Variants in ATG16L1 observed in about 807,000 individuals in gnomAD.
ATG16L1 encodes the protein autophagy-related protein 16-1.
ATG16L1 carries 37 observed loss-of-function variants against 88.5 expected under a neutral mutation model. The observed-to-expected ratio is 0.42, with a 90% CI of 0.32 to 0.55. The LOEUF (loss-of-function observed/expected upper bound fraction) is 0.55. ATG16L1 is among the 20% of genes least tolerant of loss of function. The pLI is 0.13. For synonymous variants in ATG16L1, 301 were observed against 281.0 expected (o/e 1.07, Z -0.71); for missense variants, 554 against 752.8 (o/e 0.74, Z 3.09).
intron 2 of ATG16L1, among the ~76,000 whole-genome samples, chr2:233,261,741 G>C (rs1697232725): frequency 6.6e-6 from 1 of 152,138 alleles, no homozygotes; most frequent in Non-Finnish European, 1.5e-5. Context: ...GGTTTCAGCT[G>C]CTCACTATAG....
In ATG16L1 at chr2:233,263,976, C is replaced by G. The variant is rs761445837; in HGVS notation, c.316-16C>G. On this transcript the variant is annotated splice_polypyrimidine_tract_variant and intron_variant, in intron 3 of 17. Coordinates refer to ENST00000392017, the MANE Select transcript of ATG16L1 (RefSeq NM_030803.7). Reference sequence around the variant, plus strand: ...TAAAATTTTTATTTATGAAAGTATTCTTCTTTATCTCCCAGTTAGCTCAAC... The same window carrying G: ...TAAAATTTTTATTTATGAAAGTATTGTTCTTTATCTCCCAGTTAGCTCAAC... 2.5e-6 allele frequency: 4 copies of G among 1,612,488 alleles called. No homozygotes were observed. In the Admixed American group the frequency reaches 5.0e-5, roughly 20 times the overall value.
chr2:233,283,334 G>A (rs1010268206), intron 12 of ATG16L1, among the ~76,000 whole-genome samples: 2 of 151,948 alleles, frequency 1.3e-5, no homozygotes, highest in Admixed American at 6.6e-5. Context: ...GGCGAAGCAT[G>A]TAACTTAATT....
At chr2:233,288,901 G>A (rs1443915977) in intron 12 of ATG16L1, 1 of 519,076 alleles carries the variant, frequency 1.9e-6, no homozygotes, top group Non-Finnish European at 3.8e-6. Context: ...TGGGAGTGCT[G>A]GTATCTGTGG....
chr2:233,286,756 G>C (rs950452229), intron 12 of ATG16L1, among the ~76,000 whole-genome samples: 10 of 151,064 alleles, frequency 6.6e-5, no homozygotes. Context: ...CTCCCGAGTA[G>C]CTGGGACTAC....
intron 5 of ATG16L1, among the ~76,000 whole-genome samples, chr2:233,266,345 G>C (rs1262222876): frequency 3.3e-5 from 5 of 152,178 alleles, no homozygotes; most frequent in African/African-American, 1.2e-4. Context: ...TGTGGCCTCA[G>C]CTACTCAGGA....
intron 5 of ATG16L1, among the ~76,000 whole-genome samples, chr2:233,268,713 T>A (rs976186725): frequency 2.0e-5 from 3 of 152,216 alleles, no homozygotes; most frequent in African/African-American, 7.2e-5. Context: ...GCTAAGACAA[T>A]TTGGATAAAT....
intron 16 of ATG16L1, 69 bp downstream of exon 16, chr2:233,292,503 G>T (rs1699527996): frequency 3.1e-6 from 5 of 1,599,312 alleles, no homozygotes; most frequent in East Asian, 2.2e-5. Flanking sequence ...TTTTCCCACT[G>T]GGGATATAGA....
chr2:233,276,715 G>T (rs1415806930), intron 9 of ATG16L1, among the ~76,000 whole-genome samples: 1 of 152,170 alleles, frequency 6.6e-6, no homozygotes, highest in Admixed American at 6.5e-5. Context: ...GAGCTCATGC[G>T]ATCTGCCCAC....
chr2:233,263,925 C>T, intron 3 of ATG16L1, 67 bp from the exon 4 acceptor site: 1 of 1,477,276 alleles, frequency 6.8e-7, no homozygotes. Flanking sequence ...AATCGCCACC[C>T]ACTGTGTAGT....
At chr2:233,283,379 A>G (rs983849609) in intron 12 of ATG16L1, among the ~76,000 whole-genome samples, 2 of 152,006 alleles carry the variant, frequency 1.3e-5, no homozygotes, top group African/African-American at 4.8e-5. Context: ...GCCTGAAGGA[A>G]TCATCACATA....
chr2:233,257,161 C>T (rs1040787515), intron 2 of ATG16L1, among the ~76,000 whole-genome samples: 1 of 152,214 alleles, frequency 6.6e-6, no homozygotes, highest in African/African-American at 2.4e-5. Flanking sequence ...TCCCGAGTAG[C>T]TGGGACCACA....
chr2:233,276,354 TC>T (rs372536758), intron 9 of ATG16L1, among the ~76,000 whole-genome samples: 1 of 151,974 alleles, frequency 6.6e-6, no homozygotes, highest in African/African-American at 2.4e-5. Flanking sequence ...CAGTATCTCT[TC>T]CCCCCCACAC....
rs1482366127 is a variant in ATG16L1 at position 233,289,787 on chromosome 2, G to A, written c.1204-67G>A. The A allele has an allele frequency of 1.9e-6, 3 of 1,589,978 alleles. No individual in the cohort carries two copies. In the African/African-American group the frequency reaches 4.0e-5, roughly 21 times the overall value. On this transcript the variant is annotated intron_variant, in intron 12 of 17. Coordinates refer to ENST00000392017, the MANE Select transcript of ATG16L1 (RefSeq NM_030803.7). ...TGACTCTGGAGGTAAGGATGCTGTG[G>A]ATACTTTGCCAGCATAGGCAGGGCC... is the stretch of plus-strand genomic sequence containing the variant.
chr2:233,284,732 A>G (rs1355651813), intron 12 of ATG16L1, among the ~76,000 whole-genome samples: 2 of 152,040 alleles, frequency 1.3e-5, no homozygotes, highest in Non-Finnish European at 2.9e-5. Context: ...GGCCTCCCAA[A>G]GTGCTGGGAT....
Position 233,280,131 on chromosome 2 carries a change from A to G in ATG16L1, c.1061-974A>G, listed in dbSNP as rs75330288. 1.7e-4 allele frequency among the ~76,000 whole-genome samples: 26 copies of G among 152,348 alleles called. No individual in the cohort carries two copies. In the East Asian group the frequency reaches 2.9e-3, roughly 17 times the overall value. On this transcript the variant is annotated intron_variant, in intron 10 of 17. Transcript: ENST00000392017. ...TTAACAGTCTGTGGCCTGAATGTAC[A>G]TGACAGCTTCAAACCAGTATTCGTG...
At chr2:233,254,018 A>G (rs1275145831) in intron 1 of ATG16L1, among the ~76,000 whole-genome samples, 1 of 152,190 alleles carries the variant, frequency 6.6e-6, no homozygotes, top group Non-Finnish European at 1.5e-5. Flanking sequence ...CATCTATAAA[A>G]TGGGGATGAA....
rs529178194 is a variant in ATG16L1, at chr2:233,272,821, C to G, written c.708-145C>G. ...TGTTGTTCAGAACATGGCAGCTCTTCCTTTTTCTCCAAAGAATCTTTAACG... is the reference window on the plus strand; with the variant it reads ...TGTTGTTCAGAACATGGCAGCTCTTGCTTTTTCTCCAAAGAATCTTTAACG... On this transcript the variant is annotated intron_variant, in intron 6 of 17. Transcript: ENST00000392017. 32 of 678,178 alleles carry G rather than the reference C, an allele frequency of 4.7e-5. No homozygotes were observed. In the African/African-American group the frequency reaches 5.4e-4, roughly 11 times the overall value. The allele number at this position is 678,178 out of a possible 1,614,324, so 42.0% of individuals were successfully genotyped here.
At position 233,270,063 on chromosome 2, in the gene ATG16L1, G is replaced by A. The variant is rs779324767; in HGVS notation, c.703G>A (p.Glu235Lys). The stretch of plus-strand genomic sequence containing the variant: ...AGCAGCAAAGGAACCTCTACCAGTC[G>A]AACAGTAAGTAAAGATAAATGAATC... ...AEAAKEPLPV[E>K]QDDDIEVIVD... The change falls in exon 6 of 18, where the codon GAA becomes AAA. Residue 235 changes from glutamate to lysine, a missense_variant. Coordinates refer to ENST00000392017, the MANE Select transcript of ATG16L1 (RefSeq NM_030803.7). 12 of 1,583,866 alleles carry A rather than the reference G, an allele frequency of 7.6e-6. No homozygotes were observed. Among genetic ancestry groups the A allele is most frequent in the Middle Eastern group, 1.7e-4 (1 of 5,930 alleles).
intron 8 of ATG16L1, 118 bp downstream of exon 8, chr2:233,273,895 C>T: frequency 6.6e-7 from 1 of 1,506,688 alleles, no homozygotes; most frequent in Non-Finnish European, 9.1e-7. Flanking sequence ...TATACATATG[C>T]CTTAATATCA....
Sources: allele counts gnomAD v4.1 joint callset (sites outside exome capture counted in the v4.1 genomes callset), GRCh38; gene constraint gnomAD v4.1.1; transcripts MANE v1.5; gene names NCBI Gene and HGNC (gene_info 2026-07-23, HGNC 2026-07-21).